ADGRL4: variants seen among roughly 807,000 people sequenced by gnomAD.
The protein encoded by ADGRL4 is adhesion G protein-coupled receptor L4, also known as EGF, latrophilin and seven transmembrane domain containing 1.
In ADGRL4, 90 loss-of-function variants were observed where a neutral mutation model predicts 74.8. The observed-to-expected ratio is 1.20, with a 90% confidence interval of 1.02 to 1.43. The LOEUF is 1.43. ADGRL4 is among the 40% of genes most tolerant of loss of function. The pLI is 0.00. For missense variants in ADGRL4, 881 were observed against 814.3 expected, an observed-to-expected ratio of 1.08 and a Z score of -1.00; for synonymous variants, 311 against 279.2, an observed-to-expected ratio of 1.11 and a Z score of -1.14.
intron 12 of ADGRL4, among the ~76,000 whole-genome samples, chr1:78,913,726 G>A (rs1948209): frequency 0.14 from 20,964 of 151,716 alleles, 1,628 homozygotes; most frequent in African/African-American, 0.22. Context: ...TCCGCATGAC[G>A]CAAGTTTACT....
rs545181990 is a variant in ADGRL4 at position 78,989,801 on chromosome 1, A to G, written c.172+15269T>C. ...AGTTATCACTTATTAAAGCCTTTCT[A>G]TATGGCTGGGGTTATAACTAAGTCC... On this transcript the variant is annotated intron_variant, in intron 2 of 14. Transcript: ENST00000370742. Among the ~76,000 whole-genome samples the G allele has an allele frequency of 3.3e-5, 5 of 152,090 alleles. No individual in the cohort carries two copies. The South Asian group carries it at 8.3e-4, about 25-fold the overall frequency.
chr1:78,897,813 CT>C (rs942092070), intron 12 of ADGRL4, among the ~76,000 whole-genome samples: 3 of 152,088 alleles, frequency 2.0e-5, no homozygotes, highest in Admixed American at 6.6e-5. Context: ...CCAGTTACCC[CT>C]AATGTCATAT....
chr1:78,981,334 GA>G (rs1650394481), intron 2 of ADGRL4, among the ~76,000 whole-genome samples: 1 of 151,886 alleles, frequency 6.6e-6, no homozygotes, highest in South Asian at 2.1e-4. Context: ...GAACAACATA[GA>G]AAAATATTGT....
At chr1:78,936,499 A>C in intron 6 of ADGRL4, 88 bp from the exon 7 acceptor site, 1 of 1,164,024 alleles carries the variant, frequency 8.6e-7, no homozygotes, top group Non-Finnish European at 1.2e-6. Context: ...AATTTCATCC[A>C]TCATTATTGT....
chr1:78,978,981 A>G (rs775063826), intron 2 of ADGRL4, among the ~76,000 whole-genome samples: 8 of 151,906 alleles, frequency 5.3e-5, no homozygotes, highest in Non-Finnish European at 7.4e-5. Context: ...AGCAGCAGCA[A>G]TTTTTTGAAT....
At chr1:78,946,787 C>A (rs2100695957) in intron 2 of ADGRL4, among the ~76,000 whole-genome samples, 1 of 152,218 alleles carries the variant, frequency 6.6e-6, no homozygotes, top group East Asian at 1.9e-4. Context: ...AAAAGCACAA[C>A]ATAAATTAAA....
intron 2 of ADGRL4, among the ~76,000 whole-genome samples, chr1:78,979,738 T>C (rs761132982): frequency 2.4e-4 from 37 of 151,944 alleles, no homozygotes; most frequent in Middle Eastern, 3.2e-3. Flanking sequence ...AATGAAATAA[T>C]GTCTTTTGCA....
At chr1:78,927,149 T>A (rs777361488) in intron 7 of ADGRL4, 58 bp from the exon 8 acceptor site, 116 of 1,123,770 alleles carry the variant, frequency 1.0e-4, no homozygotes, top group Non-Finnish European at 1.4e-4. Context: ...GTATTTAGAC[T>A]CTTAAGATAA....
At chr1:78,909,210 T>C (rs1648706182) in intron 12 of ADGRL4, among the ~76,000 whole-genome samples, 1 of 152,010 alleles carries the variant, frequency 6.6e-6, no homozygotes, top group African/African-American at 2.4e-5. Flanking sequence ...ACATTTAAAA[T>C]TACAATGAGT....
chr1:78,914,643 T>A (rs1349376073), intron 12 of ADGRL4, among the ~76,000 whole-genome samples: 1 of 28,578 alleles, frequency 3.5e-5, no homozygotes, highest in African/African-American at 8.0e-5. Context: ...AAAAGTTACT[T>A]TTTTTTTTCT....
intron 2 of ADGRL4, among the ~76,000 whole-genome samples, chr1:78,964,133 T>C (rs1224616578): frequency 1.3e-5 from 2 of 152,128 alleles, no homozygotes; most frequent in South Asian, 2.1e-4. Flanking sequence ...GTAAAATTGA[T>C]ATATAATTTA....
At chr1:78,976,434 A>T (rs985493414) in intron 2 of ADGRL4, among the ~76,000 whole-genome samples, 2 of 151,914 alleles carry the variant, frequency 1.3e-5, no homozygotes, top group East Asian at 3.9e-4. Flanking sequence ...ATATTAAGAA[A>T]ACAAAATAAA....
chr1:78,912,985 G>C (rs1380394163), intron 12 of ADGRL4, among the ~76,000 whole-genome samples: 2 of 151,756 alleles, frequency 1.3e-5, no homozygotes, highest in Non-Finnish European at 2.9e-5. Context: ...GGGACATGAA[G>C]AGACACTGTT....
intron 2 of ADGRL4, among the ~76,000 whole-genome samples, chr1:78,993,822 C>T (rs1650662813): frequency 6.6e-6 from 1 of 152,106 alleles, no homozygotes; most frequent in Admixed American, 6.5e-5. Context: ...ATCCGTCCGC[C>T]TTGGCCTCCC....
intron 12 of ADGRL4, among the ~76,000 whole-genome samples, chr1:78,897,422 G>A: frequency 6.6e-6 from 1 of 152,088 alleles, no homozygotes; most frequent in Non-Finnish European, 1.5e-5. Flanking sequence ...CATTCAGTAG[G>A]AATCCTGTTA....
At position 78,938,231 on chromosome 1, in the gene ADGRL4, T is replaced by C. The variant is rs767573062; in HGVS notation, c.445A>G (p.Asn149Asp). 66 of 1,609,210 alleles carry C rather than the reference T, an allele frequency of 4.1e-5. No homozygotes were observed. The highest frequency in any genetic ancestry group is 5.4e-5 in the Non-Finnish European group (64 of 1,178,918). Residue 149 changes from asparagine to aspartate, a missense_variant, in exon 5 of 15, where the codon AAT becomes GAT. Transcript: ENST00000370742. Reference sequence around the variant, plus strand: ...GTTGGTGAAAGATCTGTCACAGAATTTCTATAGACTTCTTGTAGCAAAGCC... The same window carrying C: ...GTTGGTGAAAGATCTGTCACAGAATCTCTATAGACTTCTTGTAGCAAAGCC... ...PVALLQEVYR[N>D]SVTDLSPTDI... is the part of the protein sequence containing the mutation.
chr1:78,891,457 T>C, intron 14 of ADGRL4, 67 bp downstream of exon 14: 1 of 1,491,956 alleles, frequency 6.7e-7, no homozygotes, highest in Non-Finnish European at 9.1e-7. Context: ...AGTAAGAATT[T>C]TCTATCAATT....
intron 2 of ADGRL4, among the ~76,000 whole-genome samples, chr1:78,946,760 A>T (rs964509571): frequency 6.6e-6 from 1 of 152,180 alleles, no homozygotes; most frequent in Admixed American, 6.6e-5. Context: ...AATTTATGGT[A>T]CTCTTCATAA....
intron 8 of ADGRL4, among the ~76,000 whole-genome samples, chr1:78,926,332 T>A (rs185500184): frequency 8.1e-4 from 124 of 152,168 alleles, no homozygotes; most frequent in Admixed American, 1.5e-3. Flanking sequence ...AAATAGTTGG[T>A]TAGTTCTAAT....
Sources: allele counts gnomAD v4.1 joint callset (sites outside exome capture counted in the v4.1 genomes callset), GRCh38; gene constraint gnomAD v4.1.1; transcripts MANE v1.5; gene names NCBI Gene and HGNC (gene_info 2026-07-23, HGNC 2026-07-21).